SCCPDH: variants seen among roughly 807,000 people sequenced by gnomAD.
The protein encoded by SCCPDH is saccharopine dehydrogenase-like oxidoreductase.
A neutral mutation model predicts 51.5 loss-of-function variants in SCCPDH; 34 were observed. The observed-to-expected ratio is 0.66, with a 90% CI of 0.50 to 0.88. SCCPDH has a LOEUF of 0.88. SCCPDH is among the 40% of genes least tolerant of loss of function. The pLI is 0.00. For missense variants in SCCPDH, 464 were observed against 527.1 expected, an observed-to-expected ratio of 0.88 and a Z score of 1.17; for synonymous variants, 187 against 191.3, an observed-to-expected ratio of 0.98 and a Z score of 0.19.
rs997993934 is a variant in SCCPDH at position 246,747,150 on chromosome 1, C to G, written c.564+3025C>G. 2.0e-5 allele frequency among the ~76,000 whole-genome samples: 3 copies of G among 152,210 alleles called. No individual in the cohort carries two copies. In the East Asian group the frequency reaches 5.8e-4, roughly 29 times the overall value. On this transcript the variant is annotated intron_variant, in intron 5 of 11. Transcript: ENST00000366510. The stretch of plus-strand genomic sequence containing the variant: ...GAACTCTTTTTTTCCCCTCTTGTTT[C>G]TCCCTTTTTGTCTCTTTCTTTTCTT...
intron 5 of SCCPDH, among the ~76,000 whole-genome samples, chr1:246,747,138 C>T (rs1668772752): frequency 6.6e-6 from 1 of 152,024 alleles, no homozygotes; most frequent in Non-Finnish European, 1.5e-5. Flanking sequence ...CTCTTTTTTT[C>T]CCCTCTTGTT....
At chr1:246,747,929 A>G (rs1273534294) in intron 5 of SCCPDH, among the ~76,000 whole-genome samples, 2 of 152,168 alleles carry the variant, frequency 1.3e-5, no homozygotes, top group Non-Finnish European at 2.9e-5. Context: ...AGAACAGGGG[A>G]GCGGAACATA....
chr1:246,726,192 C>G (rs190251861), intron 1 of SCCPDH, among the ~76,000 whole-genome samples: 134 of 152,300 alleles, frequency 8.8e-4, no homozygotes, highest in African/African-American at 3.1e-3. Context: ...GTCCGAAACT[C>G]TCCATCACCT....
At chr1:246,737,710 A>G (rs1029325965) in intron 3 of SCCPDH, among the ~76,000 whole-genome samples, 3 of 151,546 alleles carry the variant, frequency 2.0e-5, no homozygotes, top group African/African-American at 7.3e-5. Flanking sequence ...TCCTGCCTCA[A>G]CCTCCTGAGT....
chr1:246,742,444 C>G (rs547017512), intron 4 of SCCPDH, among the ~76,000 whole-genome samples: 92 of 152,300 alleles, frequency 6.0e-4, no homozygotes, highest in Non-Finnish European at 1.1e-3. Flanking sequence ...ATTGTTGATG[C>G]AGGTGGTCCA....
At chr1:246,726,493 C>A (rs1326873313) in intron 1 of SCCPDH, among the ~76,000 whole-genome samples, 2 of 151,888 alleles carry the variant, frequency 1.3e-5, no homozygotes, top group African/African-American at 4.8e-5. Flanking sequence ...GCACCTTGAC[C>A]TTCCAAAGTG....
intron 9 of SCCPDH, among the ~76,000 whole-genome samples, 162 bp downstream of exon 9, chr1:246,760,389 T>C (rs992957693): frequency 1.3e-5 from 2 of 152,168 alleles, no homozygotes; most frequent in African/African-American, 4.8e-5. Flanking sequence ...GTAGGTATTA[T>C]TATTATCTCC....
chr1:246,726,962 A>G lies in SCCPDH; in HGVS notation c.261A>G (p.Glu87=), dbSNP rs572662783. 1 of 1,614,178 alleles carries G rather than the reference A, an allele frequency of 6.2e-7. No individual in the cohort carries two copies. The highest frequency in any genetic ancestry group is 1.1e-5 in the South Asian group (1 of 91,082). ...CDIANPASLD[E]MAKQATVVLN... ...TTGCTAATCCAGCCTCGCTTGATGA[A>G]ATGGCTAAACAGGCAACAGTTGTCC... Residue 87 remains glutamate, a synonymous_variant, in exon 2 of 12, where the codon GAA becomes GAG. Coordinates refer to ENST00000366510, the MANE Select transcript of SCCPDH (RefSeq NM_016002.3).
chr1:246,746,923 A>G (rs1174445078), intron 5 of SCCPDH, among the ~76,000 whole-genome samples: 1 of 152,238 alleles, frequency 6.6e-6, no homozygotes. Flanking sequence ...TTGAAAAGTG[A>G]ATAGCATTTG....
chr1:246,730,913 A>C (rs1668481927), intron 2 of SCCPDH, among the ~76,000 whole-genome samples: 1 of 152,174 alleles, frequency 6.6e-6, no homozygotes. Flanking sequence ...ACAAAAAATT[A>C]GCTGGGCATG....
chr1:246,766,114 A>G lies in SCCPDH; in HGVS notation c.1159A>G (p.Ser387Gly), dbSNP rs1332745700. Residue 387 changes from serine (S) to glycine (G), a missense_variant, in exon 11 of 12, where the codon AGT becomes GGT. Ser to Gly is a moderately conservative substitution (Grantham distance 56, BLOSUM62 0). Coordinates refer to ENST00000366510, the MANE Select transcript of SCCPDH (RefSeq NM_016002.3). The stretch of plus-strand genomic sequence containing the variant: ...GGTTCAGGCAGCCATGACTCTTCTA[A>G]GTGATGCTTCTCATCTGCCTAAGGC... ...AMVQAAMTLL[S>G]DASHLPKAGG... 4 of 1,613,190 alleles carry G rather than the reference A, an allele frequency of 2.5e-6. No individual in the cohort carries two copies. The highest frequency in any genetic ancestry group is 1.1e-5 in the South Asian group (1 of 90,988).
Position 246,727,283 on chromosome 1 carries a change from AC to A in SCCPDH, c.303+283del, listed in dbSNP as rs569282842. ...GAATTTTCTTTCCTTTTTACTATAT[AC>A]CCCTTCGGTAAAAAATGTTTGAGTG... On this transcript the variant is annotated intron_variant, in intron 2 of 11. Transcript: ENST00000366510. 3.9e-5 allele frequency among the ~76,000 whole-genome samples: 6 copies of A among 151,966 alleles called. No individual in the cohort carries two copies. The South Asian group carries it at 1.3e-3, about 32-fold the overall frequency.
At chr1:246,730,292 C>CTCCTT (rs1405771549) in intron 2 of SCCPDH, among the ~76,000 whole-genome samples, 1 of 152,224 alleles carries the variant, frequency 6.6e-6, no homozygotes, top group African/African-American at 2.4e-5. Context: ...TGACCACTTT[C>CTCCTT]TCCTTTCTTT....
In SCCPDH at chr1:246,767,344, A is replaced by G; in HGVS notation, c.*44A>G. 1 of 1,146,388 alleles carries G rather than the reference A, an allele frequency of 8.7e-7. No individual in the cohort carries two copies. Among genetic ancestry groups the G allele is most frequent in the South Asian group, 1.6e-5 (1 of 60,834 alleles). 71.0% of individuals were successfully genotyped at this position (1,146,388 alleles called of 1,614,324 possible). A position where few individuals can be genotyped will look rare whatever the true frequency, so the allele number is the denominator to read the frequency against. ...GAAGTCATAACGTGCGTGAATTAACAGCTTCTCTATTTGATATTTGAAATT... is the reference window on the plus strand; with the variant it reads ...GAAGTCATAACGTGCGTGAATTAACGGCTTCTCTATTTGATATTTGAAATT... On this transcript the variant is annotated 3_prime_UTR_variant, in exon 12 of 12. Coordinates refer to ENST00000366510, the MANE Select transcript of SCCPDH (RefSeq NM_016002.3).
At chr1:246,739,885 TA>T (rs1303896852) in intron 3 of SCCPDH, among the ~76,000 whole-genome samples, 2 of 152,044 alleles carry the variant, frequency 1.3e-5, no homozygotes, top group East Asian at 3.8e-4. Flanking sequence ...TTCTATTTTT[TA>T]TATTTTAATA....
intron 5 of SCCPDH, among the ~76,000 whole-genome samples, chr1:246,750,563 G>C (rs1046649972): frequency 1.3e-5 from 2 of 152,142 alleles, no homozygotes; most frequent in Non-Finnish European, 2.9e-5. Flanking sequence ...GTGCCAGGGA[G>C]TATGATATTC....
At chr1:246,764,973 T>C (rs542037473) in intron 10 of SCCPDH, among the ~76,000 whole-genome samples, 1 of 149,650 alleles carries the variant, frequency 6.7e-6, no homozygotes, top group African/African-American at 2.5e-5. Context: ...TTGTGAACTG[T>C]AGTATAATTA....
intron 2 of SCCPDH, among the ~76,000 whole-genome samples, chr1:246,727,277 C>G (rs1668414929): frequency 1.3e-5 from 2 of 152,178 alleles, no homozygotes; most frequent in East Asian, 3.8e-4. Flanking sequence ...TTCCTTTTTA[C>G]TATATACCCC....
intron 2 of SCCPDH, among the ~76,000 whole-genome samples, chr1:246,730,728 AG>A (rs35943672): frequency 6.6e-6 from 1 of 152,166 alleles, no homozygotes; most frequent in Non-Finnish European, 1.5e-5. Flanking sequence ...CGCTTCCCTT[AG>A]GGGAAGACTA....
Sources: gnomAD v4.1 joint callset for allele counts (sites outside exome capture counted in the v4.1 genomes callset) on GRCh38, gnomAD v4.1.1 for gene constraint, MANE v1.5 for transcripts, NCBI Gene and HGNC (gene_info 2026-07-23, HGNC 2026-07-21) for gene names.